SNTG1: variants seen among roughly 807,000 people sequenced by gnomAD.
SNTG1 encodes the protein syntrophin gamma 1, also known as gamma-1-syntrophin.
In SNTG1, 39 loss-of-function variants were observed where a neutral mutation model predicts 74.7. The observed-to-expected ratio is 0.52, with a 90% CI of 0.40 to 0.68. SNTG1 has a LOEUF of 0.68. SNTG1 is among the 30% of genes least tolerant of loss of function. The pLI is 0.00. For missense variants in SNTG1, 685 were observed against 609.5 expected, an observed-to-expected ratio of 1.12 and a Z score of -1.30; for synonymous variants, 254 against 217.1, an observed-to-expected ratio of 1.17 and a Z score of -1.49.
At chr8:50,199,134 G>A (rs1392256392) in intron 2 of SNTG1, among the ~76,000 whole-genome samples, 1 of 151,638 alleles carries the variant, frequency 6.6e-6, no homozygotes, top group Non-Finnish European at 1.5e-5. Flanking sequence ...ATTTTTCTTT[G>A]CAGTGTTTTT....
chr8:50,283,552 A>C (rs1226075916), intron 2 of SNTG1, among the ~76,000 whole-genome samples: 1 of 152,180 alleles, frequency 6.6e-6, no homozygotes, highest in Non-Finnish European at 1.5e-5. Context: ...TTCACATTTT[A>C]TTTTATATCC....
chr8:50,217,667 C>T (rs1177188734), intron 2 of SNTG1, among the ~76,000 whole-genome samples: 2 of 152,114 alleles, frequency 1.3e-5, no homozygotes, highest in Non-Finnish European at 2.9e-5. Flanking sequence ...TTACATTCTA[C>T]AAACCACTGT....
At chr8:50,481,329 G>A (rs755267346) in intron 8 of SNTG1, among the ~76,000 whole-genome samples, 9 of 152,038 alleles carry the variant, frequency 5.9e-5, no homozygotes, top group South Asian at 2.1e-4. Context: ...TGCAGTGAGC[G>A]GAGATCACGC....
intron 2 of SNTG1, among the ~76,000 whole-genome samples, chr8:50,236,776 T>C (rs938277645): frequency 1.3e-5 from 2 of 152,092 alleles, no homozygotes; most frequent in Non-Finnish European, 2.9e-5. Flanking sequence ...TATATTTATA[T>C]ATACAGATAT....
At chr8:50,545,233 A>G (rs2094378333) in intron 11 of SNTG1, among the ~76,000 whole-genome samples, 1 of 151,668 alleles carries the variant, frequency 6.6e-6, no homozygotes, top group Non-Finnish European at 1.5e-5. Context: ...ATAAATTAAA[A>G]CATCATGATA....
chr8:49,998,809 T>G (rs1368077419), intron 1 of SNTG1, among the ~76,000 whole-genome samples: 1 of 152,132 alleles, frequency 6.6e-6, no homozygotes, highest in African/African-American at 2.4e-5. Flanking sequence ...AGTTAACTAT[T>G]TTTTGTATAT....
In SNTG1 at chr8:50,090,837, A is replaced by G. The variant is rs112926502; in HGVS notation, c.-102-81724A>G. Among the ~76,000 whole-genome samples, 11 of 152,278 alleles carry G rather than the reference A, an allele frequency of 7.2e-5. 1 individual carries two copies. Among genetic ancestry groups the G allele is most frequent in the African/African-American group, 2.4e-4 (10 of 41,570 alleles). On this transcript the variant is annotated intron_variant, in intron 1 of 18. Transcript: ENST00000642720. ...AAGAAACAGACAGCATATGAATAAA[A>G]TGCATTGAAGGTAGGAAAAGAAATA...
At chr8:50,122,478 G>A (rs868605953) in intron 1 of SNTG1, among the ~76,000 whole-genome samples, 1 of 141,572 alleles carries the variant, frequency 7.1e-6, no homozygotes, top group African/African-American at 2.6e-5. Context: ...AGCTGTGACT[G>A]CACTCAGCCC....
intron 18 of SNTG1, among the ~76,000 whole-genome samples, chr8:50,780,467 C>G (rs1229675825): frequency 3.3e-5 from 5 of 152,178 alleles, no homozygotes; most frequent in African/African-American, 1.2e-4. Flanking sequence ...TCCATTTCTT[C>G]TAGATTTTCT....
chr8:50,209,394 T>G (rs1457256491), intron 2 of SNTG1, among the ~76,000 whole-genome samples: 1 of 152,150 alleles, frequency 6.6e-6, no homozygotes, highest in Non-Finnish European at 1.5e-5. Context: ...GCATGGAGTT[T>G]GAGATCTGAG....
At chr8:50,270,477 A>G (rs4873447) in intron 2 of SNTG1, among the ~76,000 whole-genome samples, 72,798 of 152,044 alleles carry the variant, frequency 0.48, 19,641 homozygotes, top group East Asian at 0.83. Context: ...TTCAACACGA[A>G]AAATCTGTTA....
intron 2 of SNTG1, among the ~76,000 whole-genome samples, chr8:50,317,413 AC>A (rs2090354871): frequency 6.6e-6 from 1 of 152,134 alleles, no homozygotes; most frequent in African/African-American, 2.4e-5. Context: ...AAGTTAACTT[AC>A]AGAGTTCTAC....
At chr8:50,652,463 T>C (rs1348119252) in intron 13 of SNTG1, among the ~76,000 whole-genome samples, 2 of 152,126 alleles carry the variant, frequency 1.3e-5, no homozygotes, top group Admixed American at 1.3e-4. Context: ...TTCATTTCTT[T>C]TGTTGTAGTT....
rs181971383 is a variant in SNTG1 at position 50,001,337 on chromosome 8, T to A, written c.-103+89106T>A. ...CGGCTGAAACAAACAGTAAACTCTTTGGGCAGCCTTGAGTTTTCTCAGGAC... is the reference window on the plus strand; with the variant it reads ...CGGCTGAAACAAACAGTAAACTCTTAGGGCAGCCTTGAGTTTTCTCAGGAC... On this transcript the variant is annotated intron_variant, in intron 1 of 18. Coordinates refer to ENST00000642720, the MANE Select transcript of SNTG1 (RefSeq NM_018967.5). Among the ~76,000 whole-genome samples the A allele has an allele frequency of 8.9e-4, 136 of 152,212 alleles. 2 individuals are homozygous for A. Among genetic ancestry groups the A allele is most frequent in the Non-Finnish European group, 5.3e-4 (36 of 68,002 alleles).
chr8:50,318,443 C>T lies in SNTG1; in HGVS notation c.-27-75769C>T, dbSNP rs1191384462. On this transcript the variant is annotated intron_variant, in intron 2 of 18. Coordinates refer to ENST00000642720, the MANE Select transcript of SNTG1 (RefSeq NM_018967.5). ...CCTAAAGCTCCATCTGTTGAATTTTCCAACTCATTTTCTCCAGGGAAAGAA... is the reference window on the plus strand; with the variant it reads ...CCTAAAGCTCCATCTGTTGAATTTTTCAACTCATTTTCTCCAGGGAAAGAA... Among the ~76,000 whole-genome samples the T allele has an allele frequency of 2.6e-5, 4 of 152,158 alleles. No individual in the cohort carries two copies. The South Asian group carries it at 6.2e-4, about 24-fold the overall frequency.
chr8:50,535,223 G>C (rs1167669066), intron 10 of SNTG1, among the ~76,000 whole-genome samples: 1 of 152,090 alleles, frequency 6.6e-6, no homozygotes, highest in East Asian at 1.9e-4. Flanking sequence ...TAGTAAGATA[G>C]AGACTACAAA....
chr8:50,722,084 G>C (rs2095488968), intron 17 of SNTG1, among the ~76,000 whole-genome samples: 1 of 141,816 alleles, frequency 7.1e-6, no homozygotes, highest in Admixed American at 6.8e-5. Flanking sequence ...ATTGCACATG[G>C]ATTAATCATT....
intron 2 of SNTG1, among the ~76,000 whole-genome samples, chr8:50,305,880 C>G (rs887983962): frequency 6.8e-6 from 1 of 147,970 alleles, no homozygotes; most frequent in Admixed American, 6.9e-5. Flanking sequence ...AAAAGTTATA[C>G]AGCATCCTGT....
At chr8:50,620,057 T>C (rs955667786) in intron 13 of SNTG1, among the ~76,000 whole-genome samples, 2 of 152,168 alleles carry the variant, frequency 1.3e-5, no homozygotes, top group Non-Finnish European at 2.9e-5. Context: ...ATTGGGCTAA[T>C]CCAGGTGTGG....
Sources: gnomAD v4.1 joint callset for allele counts (sites outside exome capture counted in the v4.1 genomes callset) on GRCh38, gnomAD v4.1.1 for gene constraint, MANE v1.5 for transcripts, NCBI Gene and HGNC (gene_info 2026-07-23, HGNC 2026-07-21) for gene names.